The following CEP85L variants were observed in gnomAD, a reference collection of about 807,000 sequenced individuals.
CEP85L encodes the protein centrosomal protein 85L, also known as centrosomal protein of 85 kDa-like.
Under a neutral mutation model 100.3 loss-of-function variants are expected in CEP85L, and 60 were observed. That is an observed-to-expected ratio of 0.60 (90% CI 0.49 to 0.74). The LOEUF (loss-of-function observed/expected upper bound fraction) is 0.74, where lower values mean the gene tolerates loss of function less well. CEP85L is among the 30% of genes least tolerant of loss of function. CEP85L has a pLI of 0.00. For missense variants in CEP85L, 973 were observed against 936.2 expected (o/e 1.04, Z -0.51); for synonymous variants, 319 against 322.7 (o/e 0.99, Z 0.12).
At chr6:118,510,963 A>G (rs1359957218) in intron 5 of CEP85L, among the ~76,000 whole-genome samples, 2 of 152,152 alleles carry the variant, frequency 1.3e-5, no homozygotes, top group Non-Finnish European at 2.9e-5. Context: ...AACATTTAAA[A>G]AAAAGCAAGG....
intron 2 of CEP85L, among the ~76,000 whole-genome samples, chr6:118,591,855 T>C (rs1781208316): frequency 1.3e-5 from 2 of 152,262 alleles, no homozygotes; most frequent in South Asian, 4.1e-4. Flanking sequence ...AATGACATTA[T>C]ACATCATGTT....
intron 2 of CEP85L, among the ~76,000 whole-genome samples, chr6:118,591,680 T>A (rs2115124039): frequency 6.6e-6 from 1 of 152,260 alleles, no homozygotes; most frequent in South Asian, 2.1e-4. Flanking sequence ...GTAACCAGAT[T>A]CTTGAGCTGC....
At chr6:118,475,362 T>C (rs1039952728) in intron 10 of CEP85L, among the ~76,000 whole-genome samples, 2 of 148,126 alleles carry the variant, frequency 1.4e-5, no homozygotes, top group African/African-American at 5.0e-5. Flanking sequence ...TTTTTTTTTT[T>C]TTTTTTTTTT....
intron 1 of CEP85L, among the ~76,000 whole-genome samples, chr6:118,676,706 A>G (rs573813294): frequency 1.3e-5 from 2 of 152,312 alleles, no homozygotes; most frequent in South Asian, 2.1e-4. Flanking sequence ...TATACCCAAA[A>G]GTGGGATGGC....
At chr6:118,627,905 G>A (rs1773907627) in intron 2 of CEP85L, among the ~76,000 whole-genome samples, 1 of 152,096 alleles carries the variant, frequency 6.6e-6, no homozygotes, top group South Asian at 2.1e-4. Context: ...TCTTCCGGGT[G>A]GTTAAAGGGA....
chr6:118,702,739 G>C (rs997920165), intron 1 of CEP85L, among the ~76,000 whole-genome samples: 2 of 152,104 alleles, frequency 1.3e-5, no homozygotes, highest in African/African-American at 2.4e-5. Context: ...GCTCACGCCT[G>C]TAATCCTAGC....
intron 6 of CEP85L, among the ~76,000 whole-genome samples, chr6:118,484,596 A>G (rs76637086): frequency 0.017 from 2,609 of 152,328 alleles, 37 homozygotes; most frequent in Middle Eastern, 0.068. Context: ...ACAATTTAGT[A>G]TGGAACAATG....
At chr6:118,592,089 G>A (rs1562290780) in intron 2 of CEP85L, among the ~76,000 whole-genome samples, 1 of 152,248 alleles carries the variant, frequency 6.6e-6, no homozygotes, top group East Asian at 1.9e-4. Context: ...TAAATTACTT[G>A]ACCAAGAACA....
rs1305469379 is a variant in CEP85L, at chr6:118,481,900, G to A, written c.1624C>T (p.Gln542Ter). ...TTTTCTGTATCTATCAAAGCCTCTT[G>A]TAAATTCTTATTTTTTTCTTCCAGA... ...QILEEKNKNL[Q>*]EALIDTEKKL... The change falls in exon 8 of 13, where the codon CAA (glutamine) becomes TAA (stop). Residue 542 changes from glutamine to a stop codon, truncating the protein, a stop_gained. Coordinates refer to ENST00000368491, the MANE Select transcript of CEP85L (RefSeq NM_001042475.3). LOFTEE classifies it high-confidence loss of function. 1 of 1,567,390 alleles carries A rather than the reference G, an allele frequency of 6.4e-7. No individual in the cohort carries two copies. Among genetic ancestry groups the A allele is most frequent in the Non-Finnish European group, 8.6e-7 (1 of 1,156,540 alleles).
chr6:118,571,431 C>T lies in CEP85L; in HGVS notation c.233-5115G>A, dbSNP rs141193413. 6.6e-4 allele frequency among the ~76,000 whole-genome samples: 101 copies of T among 152,272 alleles called. No individual in the cohort carries two copies. In the South Asian group the frequency reaches 0.019, roughly 29 times the overall value. Reference sequence around the variant, plus strand: ...TAAAGGCCAGAATATAAGAAAGGGACGCTGATATAGTCTGATAATGCAAGT... The same window carrying T: ...TAAAGGCCAGAATATAAGAAAGGGATGCTGATATAGTCTGATAATGCAAGT... On this transcript the variant is annotated intron_variant, in intron 2 of 12. Transcript: ENST00000368491.
chr6:118,499,639 G>A (rs370212331), intron 5 of CEP85L, among the ~76,000 whole-genome samples: 27 of 152,090 alleles, frequency 1.8e-4, no homozygotes, highest in African/African-American at 6.3e-4. Flanking sequence ...ACTCCAGCCT[G>A]GGGGACAGAG....
intron 2 of CEP85L, chr6:118,589,671 G>A (rs760906127): frequency 4.9e-5 from 14 of 285,034 alleles, no homozygotes; most frequent in East Asian, 9.9e-5. Flanking sequence ...AGCCCATGAT[G>A]AGAAGCAGAA....
intron 3 of CEP85L, among the ~76,000 whole-genome samples, chr6:118,525,765 T>C (rs1776927395): frequency 6.6e-6 from 1 of 152,224 alleles, no homozygotes; most frequent in Admixed American, 6.5e-5. Context: ...GATACTCTGT[T>C]ATATCATCTC....
intron 3 of CEP85L, among the ~76,000 whole-genome samples, chr6:118,544,051 A>T (rs930535440): frequency 2.0e-5 from 3 of 152,238 alleles, no homozygotes; most frequent in Non-Finnish European, 4.4e-5. Context: ...TCAATTTTGT[A>T]TCAAAATCAG....
chr6:118,701,172 T>C (rs1337837380), intron 1 of CEP85L, among the ~76,000 whole-genome samples: 2 of 152,202 alleles, frequency 1.3e-5, no homozygotes, highest in Non-Finnish European at 2.9e-5. Flanking sequence ...CCTGCGCTTA[T>C]ACACTGTTGG....
intron 3 of CEP85L, among the ~76,000 whole-genome samples, chr6:118,543,442 AAATC>A (rs1234659836): frequency 5.3e-5 from 8 of 151,872 alleles, no homozygotes; most frequent in Admixed American, 1.3e-4. Flanking sequence ...GAGCTTAAAA[AAATC>A]AATCAGTCTC....
intron 3 of CEP85L, among the ~76,000 whole-genome samples, chr6:118,561,756 G>A (rs771178196): frequency 2.0e-5 from 3 of 152,122 alleles, no homozygotes; most frequent in Admixed American, 1.3e-4. Flanking sequence ...TGATACTAAC[G>A]ATAAAACGCT....
At chr6:118,625,382 C>T (rs538401504) in intron 2 of CEP85L, among the ~76,000 whole-genome samples, 1 of 152,340 alleles carries the variant, frequency 6.6e-6, no homozygotes, top group East Asian at 1.9e-4. Context: ...CACGCCCGAG[C>T]GCCTATTCTC....
intron 2 of CEP85L, among the ~76,000 whole-genome samples, chr6:118,591,536 T>G (rs955444978): frequency 1.3e-5 from 2 of 152,184 alleles, no homozygotes; most frequent in East Asian, 1.9e-4. Flanking sequence ...CTTTGTAACT[T>G]CACTTCAGCC....
Sources: allele counts gnomAD v4.1 joint callset (sites outside exome capture counted in the v4.1 genomes callset), GRCh38; gene constraint gnomAD v4.1.1; transcripts MANE v1.5; gene names NCBI Gene and HGNC (gene_info 2026-07-23, HGNC 2026-07-21).